Variants in RDH8 observed in about 807,000 individuals in gnomAD.
RDH8 encodes the protein photoreceptor outer segment all-trans retinol dehydrogenase.
RDH8 carries 14 observed loss-of-function variants against 22.3 expected under a neutral mutation model. The ratio of observed to expected loss-of-function variants is 0.63; its 90% CI spans 0.42 to 0.98. The LOEUF is 0.98. Among genes scored for constraint, RDH8 ranks in the 50% least tolerant of loss-of-function variants. The pLI is 0.00. For synonymous variants in RDH8, 175 were observed against 171.7 expected (o/e 1.02, Z -0.15); for missense variants, 389 against 409.8 (o/e 0.95, Z 0.44).
intron 1 of RDH8, among the ~76,000 whole-genome samples, chr19:10,014,255 T>G (rs1012021617): frequency 6.6e-6 from 1 of 152,112 alleles, no homozygotes; most frequent in African/African-American, 2.4e-5. Context: ...CGACTGGGGG[T>G]GAGGGCATTG....
chr19:10,014,501 G>A lies in RDH8; in HGVS notation c.103+901G>A, dbSNP rs1032257468. On this transcript the variant is annotated intron_variant, in intron 1 of 5. Coordinates refer to ENST00000591589, the MANE Select transcript of RDH8 (RefSeq NM_015725.4). ...GTCATTTAATCCTCACATCACACCC[G>A]TGAGGCAGGCACAATCATTCACCCC... Among the ~76,000 whole-genome samples, 6 of 152,076 alleles carry A rather than the reference G, an allele frequency of 3.9e-5. No individual in the cohort carries two copies. The East Asian group carries it at 7.7e-4, about 20-fold the overall frequency.
Position 10,021,909 on chromosome 19 carries a change from T to C in RDH8, c.*160T>C, listed in dbSNP as rs2087665495. 2 of 775,610 alleles carry C rather than the reference T, an allele frequency of 2.6e-6. No homozygotes were observed. Among genetic ancestry groups the C allele is most frequent in the African/African-American group, 3.5e-5 (2 of 57,242 alleles). The allele number at this position is 775,610 out of a possible 1,614,324, so 48.0% of individuals were successfully genotyped here. ...CTAGAATCCCAGAAGGGCCTTTATT[T>C]TCAGGCATAGACTCCTCTGTGGTCA... On this transcript the variant is annotated 3_prime_UTR_variant, in exon 6 of 6. Coordinates refer to ENST00000591589, the MANE Select transcript of RDH8 (RefSeq NM_015725.4).
intron 1 of RDH8, among the ~76,000 whole-genome samples, chr19:10,014,517 C>G (rs2087594466): frequency 6.6e-6 from 1 of 152,100 alleles, no homozygotes; most frequent in Non-Finnish European, 1.5e-5. Flanking sequence ...CAGGCACAAT[C>G]ATTCACCCCA....
intron 3 of RDH8, among the ~76,000 whole-genome samples, chr19:10,020,123 G>C (rs922362535): frequency 4.6e-5 from 7 of 151,512 alleles, no homozygotes; most frequent in African/African-American, 1.5e-4. Context: ...TCTCCCCCCC[G>C]CCAAAAAAAA....
chr19:10,014,925 A>G (rs1208100382), intron 1 of RDH8, among the ~76,000 whole-genome samples: 1 of 152,134 alleles, frequency 6.6e-6, no homozygotes, highest in African/African-American at 2.4e-5. Context: ...CAGAGCTGGG[A>G]TTTGAACTCA....
Position 10,021,678 on chromosome 19 carries a change from C to T in RDH8, c.865C>T (p.Pro289Ser). Reference sequence around the variant, plus strand: ...GACCCACCGCCTCCTCTTCCGCTGTCCACGCCTCCTCAACCTTGGCCTTCA... The same window carrying T: ...GACCCACCGCCTCCTCTTCCGCTGTTCACGCCTCCTCAACCTTGGCCTTCA... ...RTTHRLLFRC[P>S]RLLNLGLQCL... The change falls in exon 6 of 6, where the codon CCA (proline) becomes TCA (serine). Residue 289 changes from proline to serine, a missense_variant. Physicochemically the swap from Pro to Ser is moderately conservative, Grantham distance 74. Transcript: ENST00000591589. 6.2e-7 allele frequency: 1 copy of T among 1,614,182 alleles called. No homozygotes were observed. The highest frequency in any genetic ancestry group is 1.3e-5 in the African/African-American group (1 of 75,066).
chr19:10,021,915 C>A lies in RDH8; in HGVS notation c.*166C>A. 2.7e-6 allele frequency: 2 copies of A among 735,860 alleles called. No individual in the cohort carries two copies. Among genetic ancestry groups the A allele is most frequent in the Non-Finnish European group, 4.4e-6 (2 of 458,538 alleles). 45.6% of individuals were successfully genotyped at this position (735,860 alleles called of 1,614,324 possible). A position where few individuals can be genotyped will look rare whatever the true frequency, so the allele number is the denominator to read the frequency against. On this transcript the variant is annotated 3_prime_UTR_variant, in exon 6 of 6. Coordinates refer to ENST00000591589, the MANE Select transcript of RDH8 (RefSeq NM_015725.4). ...TCCCAGAAGGGCCTTTATTTTCAGG[C>A]ATAGACTCCTCTGTGGTCACAGCTG...
rs1256796840 is a variant in RDH8 at position 10,020,699 on chromosome 19, A to T, written c.443-10A>T. The T allele has an allele frequency of 6.3e-7, 1 of 1,597,440 alleles. No individual in the cohort carries two copies. Among genetic ancestry groups the T allele is most frequent in the South Asian group, 1.1e-5 (1 of 89,538 alleles). On this transcript the variant is annotated splice_polypyrimidine_tract_variant and intron_variant, in intron 3 of 5. Transcript: ENST00000591589. The stretch of plus-strand genomic sequence containing the variant: ...CCCTCAAAGAGCTCTCCTCCCTCTG[A>T]CCCTCACAGGTGTCATCTTCAACGA...
chr19:10,020,890 A>G, intron 4 of RDH8, 88 bp downstream of exon 4: 1 of 963,760 alleles, frequency 1.0e-6, no homozygotes, highest in South Asian at 1.4e-5. Context: ...AAGACAATGA[A>G]GCTGAGTGCA....
intron 3 of RDH8, among the ~76,000 whole-genome samples, chr19:10,019,752 G>A (rs2087643853): frequency 6.6e-6 from 1 of 152,052 alleles, no homozygotes; most frequent in Non-Finnish European, 1.5e-5. Context: ...AATGAGCTGA[G>A]ATTGCGCCAT....
intron 1 of RDH8, among the ~76,000 whole-genome samples, chr19:10,016,751 C>T (rs1182794285): frequency 6.6e-6 from 1 of 152,142 alleles, no homozygotes; most frequent in African/African-American, 2.4e-5. Context: ...GGATTACAGG[C>T]TTGAGCCACC....
chr19:10,020,269 C>T (rs1199044411), intron 3 of RDH8, among the ~76,000 whole-genome samples: 1 of 148,320 alleles, frequency 6.7e-6, no homozygotes, highest in Non-Finnish European at 1.5e-5. Flanking sequence ...ACCACTGCAC[C>T]CCAGACTGCA....
Position 10,021,807 on chromosome 19 carries a change from C to G in RDH8, c.*58C>G, listed in dbSNP as rs2145170267. On this transcript the variant is annotated 3_prime_UTR_variant, in exon 6 of 6. Transcript: ENST00000591589. ...ACAACCAGACCTCTTCATTCCACATCTAATTCAAAGGATGAACAGACTCTT... is the reference window on the plus strand; with the variant it reads ...ACAACCAGACCTCTTCATTCCACATGTAATTCAAAGGATGAACAGACTCTT... 2 of 1,515,226 alleles carry G rather than the reference C, an allele frequency of 1.3e-6. No homozygotes were observed. Among genetic ancestry groups the G allele is most frequent in the South Asian group, 1.1e-5 (1 of 87,244 alleles). The allele number at this position is 1,515,226 out of a possible 1,614,324, so 93.9% of individuals were successfully genotyped here.
At chr19:10,013,983 G>A (rs2087589578) in intron 1 of RDH8, among the ~76,000 whole-genome samples, 1 of 152,010 alleles carries the variant, frequency 6.6e-6, no homozygotes. Context: ...GTTTCACTAG[G>A]GCATTTCCTA....
chr19:10,015,441 T>C (rs4516342), intron 1 of RDH8, among the ~76,000 whole-genome samples: 80,650 of 151,458 alleles, frequency 0.53, 21,974 homozygotes, highest in South Asian at 0.68. Context: ...CGACAGAGCA[T>C]GACTCTGTCT....
intron 1 of RDH8, among the ~76,000 whole-genome samples, chr19:10,016,232 C>T (rs1294188748): frequency 5.4e-5 from 8 of 148,698 alleles, no homozygotes; most frequent in Non-Finnish European, 4.5e-5. Context: ...CTGCAAGCTC[C>T]GCCTCCCGGG....
At position 10,021,427 on chromosome 19, in the gene RDH8, G is replaced by A; in HGVS notation, c.709G>A (p.Asp237Asn). 1.9e-6 allele frequency: 3 copies of A among 1,614,106 alleles called. No homozygotes were observed. Among genetic ancestry groups the A allele is most frequent in the Middle Eastern group, 1.6e-4 (1 of 6,062 alleles). ...LFCSVGQNPQ[D>N]VVQAIVNVIS... ...TTGCTCCGTGGGACAGAACCCACAG[G>A]ACGTGGTTCAGGTGAGTGAAGGGCC... The change falls in exon 5 of 6, where the codon GAC becomes AAC. Residue 237 changes from aspartate to asparagine, a missense_variant. Asp to Asn is a conservative substitution (Grantham distance 23). Coordinates refer to ENST00000591589, the MANE Select transcript of RDH8 (RefSeq NM_015725.4).
Position 10,020,756 on chromosome 19 carries a change from G to A in RDH8, c.490G>A (p.Gly164Arg). ...TGCAGCTTCCAAGTTCGCCCTGGAG[G>A]GATTCTTCGAAAGCCTCGCTATCCA... Reference protein sequence around the residue: ...VYAASKFALEGFFESLAIQLL... With the variant: ...VYAASKFALERFFESLAIQLL... Residue 164 changes from glycine to arginine, a missense_variant, in exon 4 of 6, where the codon GGA becomes AGA. Gly to Arg is a moderately radical substitution (Grantham distance 125). Coordinates refer to ENST00000591589, the MANE Select transcript of RDH8 (RefSeq NM_015725.4). 1 of 1,611,592 alleles carries A rather than the reference G, an allele frequency of 6.2e-7. No homozygotes were observed. The highest frequency in any genetic ancestry group is 8.5e-7 in the Non-Finnish European group (1 of 1,178,760).
intron 4 of RDH8, 42 bp downstream of exon 4, chr19:10,020,844 T>G: frequency 3.5e-6 from 5 of 1,422,168 alleles, no homozygotes; most frequent in Non-Finnish European, 4.9e-6. Context: ...GAGCCAGTGA[T>G]GGGGAGGTGG....
Sources: allele counts gnomAD v4.1 joint callset (sites outside exome capture counted in the v4.1 genomes callset), GRCh38; gene constraint gnomAD v4.1.1; transcripts MANE v1.5; gene names NCBI Gene and HGNC (gene_info 2026-07-23, HGNC 2026-07-21).